STXBP5: variants seen among roughly 807,000 people sequenced by gnomAD.
The protein encoded by STXBP5 is syntaxin binding protein 5.
Under a neutral mutation model 152.4 loss-of-function variants are expected in STXBP5, and 50 were observed. That is an observed-to-expected ratio of 0.33 (90% CI 0.26 to 0.42). The LOEUF is 0.42. Among genes scored for constraint, STXBP5 ranks in the 10% least tolerant of loss-of-function variants. The probability of loss-of-function intolerance (pLI) is 1.00; values close to 1 mark genes in which losing one functional copy is unlikely to be tolerated. For missense variants in STXBP5, 1,167 were observed against 1,388.6 expected (o/e 0.84, Z 2.54); for synonymous variants, 492 against 494.7 (o/e 0.99, Z 0.07).
At chr6:147,282,744 A>G (rs2128344386) in intron 8 of STXBP5, among the ~76,000 whole-genome samples, 1 of 152,190 alleles carries the variant, frequency 6.6e-6, no homozygotes, top group Admixed American at 6.5e-5. Context: ...TGAAGCACTC[A>G]TCTTGGTTTT....
intron 2 of STXBP5, among the ~76,000 whole-genome samples, chr6:147,214,569 G>A (rs1777062861): frequency 6.6e-6 from 1 of 152,090 alleles, no homozygotes; most frequent in South Asian, 2.1e-4. Context: ...ATGTCTTTGT[G>A]ATATATGTTT....
At chr6:147,312,835 T>C (rs1261835289) in intron 11 of STXBP5, among the ~76,000 whole-genome samples, 3 of 152,214 alleles carry the variant, frequency 2.0e-5, no homozygotes, top group African/African-American at 7.2e-5. Context: ...GATTTTCTTT[T>C]ATTTTTTTCC....
intron 2 of STXBP5, among the ~76,000 whole-genome samples, chr6:147,231,117 G>A (rs1019443149): frequency 1.3e-5 from 2 of 151,712 alleles, no homozygotes; most frequent in Non-Finnish European, 3.0e-5. Context: ...AGGTTTTACT[G>A]GCTCTGGCAT....
intron 23 of STXBP5, among the ~76,000 whole-genome samples, chr6:147,363,024 G>C (rs1435188130): frequency 1.3e-5 from 2 of 152,182 alleles, no homozygotes; most frequent in Non-Finnish European, 2.9e-5. Flanking sequence ...AGAGAAAACA[G>C]TTCCAGATAC....
intron 16 of STXBP5, among the ~76,000 whole-genome samples, chr6:147,320,084 C>T (rs375137478): frequency 9.2e-5 from 14 of 151,942 alleles, no homozygotes; most frequent in African/African-American, 3.4e-4. Flanking sequence ...AATCTGCCTG[C>T]CTCGGCCTCC....
chr6:147,266,710 T>TA (rs1779909676), intron 6 of STXBP5, among the ~76,000 whole-genome samples: 1 of 152,118 alleles, frequency 6.6e-6, no homozygotes, highest in East Asian at 1.9e-4. Flanking sequence ...CAGAGGGATG[T>TA]AGGCTGGGTA....
At chr6:147,365,570 C>A (rs191628540) in intron 25 of STXBP5, among the ~76,000 whole-genome samples, 4 of 152,200 alleles carry the variant, frequency 2.6e-5, no homozygotes. Context: ...ATGAAATAGT[C>A]TTTTAGTAGT....
chr6:147,309,318 A>T (rs1782251266), intron 9 of STXBP5, among the ~76,000 whole-genome samples: 1 of 152,182 alleles, frequency 6.6e-6, no homozygotes, highest in Admixed American at 6.6e-5. Context: ...CATCTGTATA[A>T]TGTACCATAA....
intron 21 of STXBP5, among the ~76,000 whole-genome samples, chr6:147,349,402 C>T (rs1409721694): frequency 1.3e-5 from 2 of 152,048 alleles, no homozygotes; most frequent in African/African-American, 2.4e-5. Context: ...TTATCTTGCT[C>T]GTTCTAACAG....
At chr6:147,328,596 C>T in intron 18 of STXBP5, 2 of 330,828 alleles carry the variant, frequency 6.0e-6, no homozygotes, top group Non-Finnish European at 1.2e-5. Context: ...TTAATGTGAT[C>T]ATTTTGTCAT....
intron 2 of STXBP5, among the ~76,000 whole-genome samples, chr6:147,225,655 A>C (rs1777673182): frequency 6.6e-6 from 1 of 152,208 alleles, no homozygotes; most frequent in South Asian, 2.1e-4. Flanking sequence ...CATTTTCATA[A>C]TACACAGTGG....
chr6:147,325,701 A>C (rs1370799092), intron 17 of STXBP5, among the ~76,000 whole-genome samples: 1 of 152,178 alleles, frequency 6.6e-6, no homozygotes, highest in Non-Finnish European at 1.5e-5. Context: ...CTAACTGTTC[A>C]GTCCCAGAGC....
intron 5 of STXBP5, among the ~76,000 whole-genome samples, chr6:147,261,895 C>T: frequency 6.6e-6 from 1 of 151,470 alleles, no homozygotes. Context: ...GAATGTTTTT[C>T]TATTTCTATT....
chr6:147,277,973 C>CT (rs1431374101), intron 7 of STXBP5, 108 bp from the exon 8 acceptor site: 3 of 1,001,154 alleles, frequency 3.0e-6, no homozygotes, highest in Non-Finnish European at 4.3e-6. Context: ...ACATGTTAAC[C>CT]TTAGGAAATA....
At chr6:147,244,601 C>G (rs929228613) in intron 4 of STXBP5, among the ~76,000 whole-genome samples, 10 of 152,038 alleles carry the variant, frequency 6.6e-5, no homozygotes, top group African/African-American at 2.2e-4. Flanking sequence ...TTTGTTAATA[C>G]TAAATAAAAA....
rs1420962638 is a variant in STXBP5 at position 147,387,737 on chromosome 6, G to T, written c.*2982G>T. On this transcript the variant is annotated 3_prime_UTR_variant, in exon 28 of 28. Coordinates refer to ENST00000321680, the MANE Select transcript of STXBP5 (RefSeq NM_001127715.4). Reference sequence around the variant, plus strand: ...CTGCTACTTGTCTATGTTATTATGTGTAAGTATATTACAATTTAATTAAGT... The same window carrying T: ...CTGCTACTTGTCTATGTTATTATGTTTAAGTATATTACAATTTAATTAAGT... 6.6e-6 allele frequency: 1 copy of T among 151,326 alleles called. No homozygotes were observed. The highest frequency in any genetic ancestry group is 1.5e-5 in the Non-Finnish European group (1 of 67,682). 9.4% of individuals were successfully genotyped at this position (151,326 alleles called of 1,614,324 possible). A position where few individuals can be genotyped will look rare whatever the true frequency, so the allele number is the denominator to read the frequency against.
intron 25 of STXBP5, among the ~76,000 whole-genome samples, chr6:147,364,480 C>T (rs1785204053): frequency 6.6e-6 from 1 of 152,182 alleles, no homozygotes; most frequent in Non-Finnish European, 1.5e-5. Flanking sequence ...TATACACACA[C>T]ACAGTCCTTT....
chr6:147,281,972 C>T (rs1780723510), intron 8 of STXBP5, among the ~76,000 whole-genome samples: 1 of 152,162 alleles, frequency 6.6e-6, no homozygotes, highest in South Asian at 2.1e-4. Flanking sequence ...TAGTCTCATA[C>T]AGTTGTTGTG....
intron 21 of STXBP5, among the ~76,000 whole-genome samples, chr6:147,347,627 A>G (rs1784396361): frequency 6.6e-6 from 1 of 152,232 alleles, no homozygotes; most frequent in African/African-American, 2.4e-5. Flanking sequence ...AAAGAGGGCT[A>G]CTTTCCTGAT....
Sources: allele counts gnomAD v4.1 joint callset (sites outside exome capture counted in the v4.1 genomes callset), GRCh38; gene constraint gnomAD v4.1.1; transcripts MANE v1.5; gene names NCBI Gene and HGNC (gene_info 2026-07-23, HGNC 2026-07-21).